NALF1: variants seen among roughly 807,000 people sequenced by gnomAD.
NALF1 encodes family with sequence similarity 155 member A.
A neutral mutation model predicts 48.4 loss-of-function variants in NALF1; 3 were observed. The observed-to-expected ratio is 0.06, with a 90% CI of 0.03 to 0.16. The LOEUF is 0.16. Among genes scored for constraint, NALF1 ranks in the 10% least tolerant of loss-of-function variants. The pLI is 1.00. For synonymous variants in NALF1, 262 were observed against 245.7 expected (o/e 1.07, Z -0.62); for missense variants, 526 against 571.5 (o/e 0.92, Z 0.81).
rs150411416 is a variant in NALF1, at chr13:107,574,759, C to A, written c.915+290923G>T. On this transcript the variant is annotated intron_variant, in intron 1 of 2. Coordinates refer to ENST00000375915, the MANE Select transcript of NALF1 (RefSeq NM_001080396.3). ...CACAGCTTGAAATCCCTAAAGGACA[C>A]GCTGATTTCTCAATCTGCATATCAA... Among the ~76,000 whole-genome samples the A allele has an allele frequency of 2.2e-4, 33 of 152,224 alleles. No individual in the cohort carries two copies. In the East Asian group the frequency reaches 5.0e-3, roughly 23 times the overall value.
At chr13:107,689,624 G>C (rs1264762664) in intron 1 of NALF1, among the ~76,000 whole-genome samples, 1 of 152,060 alleles carries the variant, frequency 6.6e-6, no homozygotes, top group African/African-American at 2.4e-5. Flanking sequence ...CAGAGTCATG[G>C]CAGATATTTT....
intron 1 of NALF1, among the ~76,000 whole-genome samples, chr13:107,618,118 A>G (rs1879429187): frequency 6.6e-6 from 1 of 152,180 alleles, no homozygotes; most frequent in African/African-American, 2.4e-5. Context: ...TAAACAGGGC[A>G]CCGAGAGAGA....
At chr13:107,265,980 CTT>C (rs1365739719) in intron 1 of NALF1, among the ~76,000 whole-genome samples, 1 of 152,178 alleles carries the variant, frequency 6.6e-6, no homozygotes, top group East Asian at 1.9e-4. Flanking sequence ...CAGATGCTCT[CTT>C]GTTTCTTCTC....
chr13:107,540,245 C>A (rs1876962901), intron 1 of NALF1, among the ~76,000 whole-genome samples: 1 of 151,962 alleles, frequency 6.6e-6, no homozygotes, highest in African/African-American at 2.4e-5. Flanking sequence ...GAATGTTTGT[C>A]AAGCTCTAGT....
intron 1 of NALF1, among the ~76,000 whole-genome samples, chr13:107,469,136 A>T (rs1289925794): frequency 1.3e-5 from 2 of 152,136 alleles, no homozygotes; most frequent in Non-Finnish European, 2.9e-5. Flanking sequence ...ATTCTACTCT[A>T]TATTTAAAAA....
At chr13:107,611,970 AAGAAG>A (rs375960831) in intron 1 of NALF1, among the ~76,000 whole-genome samples, 98 of 144,314 alleles carry the variant, frequency 6.8e-4, no homozygotes, top group African/African-American at 2.2e-3. Context: ...ACGAAGAAGA[AAGAAG>A]AGAAGAGAAG....
At chr13:107,194,008 TTATCTATCTATC>T (rs71772534) in intron 2 of NALF1, among the ~76,000 whole-genome samples, 6,576 of 138,926 alleles carry the variant, frequency 0.047, 155 homozygotes, top group African/African-American at 0.054. Context: ...CCTATCTATC[TTATCTATCTATC>T]TATCTATCTA....
chr13:107,594,904 T>A (rs962477768), intron 1 of NALF1, among the ~76,000 whole-genome samples: 2 of 151,952 alleles, frequency 1.3e-5, no homozygotes, highest in African/African-American at 2.4e-5. Context: ...ATTAAAAAAA[T>A]AGAAAAGGAA....
chr13:107,517,815 C>G (rs1488270377), intron 1 of NALF1, among the ~76,000 whole-genome samples: 1 of 151,960 alleles, frequency 6.6e-6, no homozygotes, highest in East Asian at 1.9e-4. Flanking sequence ...GTTAGCCAGG[C>G]CTGGTGATGC....
At position 107,163,919 on chromosome 13, in the gene NALF1, T is replaced by G. The variant is rs1191160008; in HGVS notation, c.*6578A>C. ...AAAGGAAGAAAAAGAAAGCAAGAGG[T>G]TTTCTTTTAACGTCCATATAGAGCT... On this transcript the variant is annotated 3_prime_UTR_variant, in exon 3 of 3. Transcript: ENST00000375915. The G allele has an allele frequency of 6.6e-6, 1 of 151,142 alleles. No homozygotes were observed. The highest frequency in any genetic ancestry group is 1.5e-5 in the Non-Finnish European group (1 of 67,720). 9.4% of individuals were successfully genotyped at this position (151,142 alleles called of 1,614,324 possible).
At chr13:107,608,177 C>T (rs1021191409) in intron 1 of NALF1, among the ~76,000 whole-genome samples, 3 of 152,068 alleles carry the variant, frequency 2.0e-5, no homozygotes, top group African/African-American at 7.2e-5. Flanking sequence ...GAGATTAGGT[C>T]ATTAGAGGTA....
At chr13:107,836,510 A>T (rs1879892682) in intron 1 of NALF1, among the ~76,000 whole-genome samples, 1 of 152,206 alleles carries the variant, frequency 6.6e-6, no homozygotes, top group Admixed American at 6.5e-5. Flanking sequence ...TCACTGAAAA[A>T]AATGGATTAG....
At chr13:107,357,366 C>A (rs529886400) in intron 1 of NALF1, among the ~76,000 whole-genome samples, 7 of 152,176 alleles carry the variant, frequency 4.6e-5, no homozygotes, top group African/African-American at 1.7e-4. Flanking sequence ...GGAAACTGCC[C>A]CCATGATCCG....
chr13:107,387,329 G>A (rs562766705), intron 1 of NALF1, among the ~76,000 whole-genome samples: 128 of 152,122 alleles, frequency 8.4e-4, no homozygotes, highest in Non-Finnish European at 1.6e-3. Flanking sequence ...CAGAGCTTCC[G>A]TCCCAAGTTC....
intron 1 of NALF1, among the ~76,000 whole-genome samples, chr13:107,784,914 G>A (rs2138581944): frequency 6.6e-6 from 1 of 152,114 alleles, no homozygotes; most frequent in South Asian, 2.1e-4. Context: ...CTACCCAGAG[G>A]AAAAGATACC....
At chr13:107,238,189 CAT>C (rs746791611) in intron 1 of NALF1, among the ~76,000 whole-genome samples, 26 of 152,164 alleles carry the variant, frequency 1.7e-4, no homozygotes, top group Non-Finnish European at 3.4e-4. Flanking sequence ...ATCCATATAA[CAT>C]AGAGCCAGCA....
chr13:107,698,133 T>C (rs1007695902), intron 1 of NALF1, among the ~76,000 whole-genome samples: 1 of 152,212 alleles, frequency 6.6e-6, no homozygotes, highest in African/African-American at 2.4e-5. Flanking sequence ...TAGCAATTAC[T>C]TGCTACTCCT....
At chr13:107,551,407 C>T (rs142390833) in intron 1 of NALF1, among the ~76,000 whole-genome samples, 33 of 152,214 alleles carry the variant, frequency 2.2e-4, no homozygotes, top group East Asian at 7.7e-4. Context: ...ATAATGACAA[C>T]ACAACAAACC....
rs1311922996 is a variant in NALF1, at chr13:107,443,161, TATCTAACA to T, written c.916-232414_916-232407del. On this transcript the variant is annotated intron_variant, in intron 1 of 2. Coordinates refer to ENST00000375915, the MANE Select transcript of NALF1 (RefSeq NM_001080396.3). ...TTACAACATAAATTTATTATTTATT[TATCTAACA>T]ATCTATCTATCTATCTATCTATCTA... Among the ~76,000 whole-genome samples, 176 of 143,018 alleles carry T rather than the reference TATCTAACA, an allele frequency of 1.2e-3. 2 individuals are homozygous for T. The highest frequency in any genetic ancestry group is 1.9e-3 in the Non-Finnish European group (121 of 64,136). 93.8% of individuals were successfully genotyped at this position (143,018 alleles called of 152,430 possible). A position where few individuals can be genotyped will look rare whatever the true frequency, so the allele number is the denominator to read the frequency against.
Sources: allele counts gnomAD v4.1 joint callset (sites outside exome capture counted in the v4.1 genomes callset), GRCh38; gene constraint gnomAD v4.1.1; transcripts MANE v1.5; gene names NCBI Gene and HGNC (gene_info 2026-07-23, HGNC 2026-07-21).